Variants in OLFM2 observed in about 807,000 individuals in gnomAD.
The protein encoded by OLFM2 is olfactomedin 2.
Under a neutral mutation model 43.9 loss-of-function variants are expected in OLFM2, and 20 were observed. The observed-to-expected ratio is 0.46, with a 90% CI of 0.32 to 0.66. The LOEUF is 0.66. OLFM2 is among the 30% of genes least tolerant of loss of function. OLFM2 has a pLI of 0.04. For synonymous variants in OLFM2, 268 were observed against 278.6 expected, an observed-to-expected ratio of 0.96 and a Z score of 0.38; for missense variants, 416 against 643.6, an observed-to-expected ratio of 0.65 and a Z score of 3.83.
intron 1 of OLFM2, among the ~76,000 whole-genome samples, chr19:9,874,159 C>A (rs1419646449): frequency 6.6e-6 from 1 of 152,116 alleles, no homozygotes; most frequent in East Asian, 1.9e-4. Context: ...AGTTTTCCCA[C>A]TTGAGTGCTT....
At chr19:9,919,328 G>A (rs140652913) in intron 1 of OLFM2, among the ~76,000 whole-genome samples, 83 of 152,046 alleles carry the variant, frequency 5.5e-4, no homozygotes, top group African/African-American at 1.7e-3. Context: ...CACCACGCCC[G>A]GAGAATTTTT....
At chr19:9,878,231 G>C (rs1386639281) in intron 1 of OLFM2, among the ~76,000 whole-genome samples, 1 of 152,094 alleles carries the variant, frequency 6.6e-6, no homozygotes, top group African/African-American at 2.4e-5. Context: ...GATATTCAAG[G>C]GAGTGTGACA....
At chr19:9,893,797 G>C (rs191423658) in intron 1 of OLFM2, among the ~76,000 whole-genome samples, 4 of 152,104 alleles carry the variant, frequency 2.6e-5, no homozygotes, top group Non-Finnish European at 5.9e-5. Context: ...AGCAGAGTTC[G>C]CAGGTCTATT....
At chr19:9,911,096 T>C (rs1323451391) in intron 1 of OLFM2, among the ~76,000 whole-genome samples, 2 of 152,104 alleles carry the variant, frequency 1.3e-5, no homozygotes, top group Non-Finnish European at 2.9e-5. Context: ...GGATGGGAAT[T>C]TGAACAGCAG....
chr19:9,906,192 G>A (rs2046784664), intron 1 of OLFM2, among the ~76,000 whole-genome samples: 1 of 152,156 alleles, frequency 6.6e-6, no homozygotes, highest in Admixed American at 6.6e-5. Context: ...GGATTGATGG[G>A]GCGGCGGGGA....
chr19:9,877,637 T>C (rs937707934), intron 1 of OLFM2, among the ~76,000 whole-genome samples: 17 of 152,016 alleles, frequency 1.1e-4, no homozygotes, highest in African/African-American at 3.9e-4. Context: ...AAGATGAGGT[T>C]AGGTGAATTA....
intron 1 of OLFM2, among the ~76,000 whole-genome samples, chr19:9,915,237 CTCTT>C (rs1414178148): frequency 3.1e-4 from 37 of 118,874 alleles, no homozygotes; most frequent in Non-Finnish European, 2.4e-4. Context: ...TCTTTTCTCT[CTCTT>C]TTTTTTTTTT....
chr19:9,878,389 T>C (rs1238869306), intron 1 of OLFM2, among the ~76,000 whole-genome samples: 25 of 136,036 alleles, frequency 1.8e-4, no homozygotes, highest in Non-Finnish European at 3.4e-4. Context: ...CTCTTTTTTT[T>C]TTTTTTTTTT....
rs1469557788 is a variant in OLFM2, at chr19:9,856,506, G to A, written c.687+301C>T. On this transcript the variant is annotated intron_variant, in intron 5 of 5. Transcript: ENST00000264833. This position sits in a 1 kb window ranked among gnomAD's most constrained non-coding sequence, Gnocchi z 4.0. ...TTGGTGGAAGAGGTCTCTTGTCCTT[G>A]GGAGGGCATTGGTCATTGGGTAGTT... Among the ~76,000 whole-genome samples the A allele has an allele frequency of 2.0e-5, 3 of 152,200 alleles. No homozygotes were observed. The highest frequency in any genetic ancestry group is 6.5e-5 in the Admixed American group (1 of 15,280).
At chr19:9,906,291 C>A (rs745858471) in intron 1 of OLFM2, among the ~76,000 whole-genome samples, 21 of 151,172 alleles carry the variant, frequency 1.4e-4, no homozygotes, top group Middle Eastern at 3.2e-3. Context: ...CAGGAGGCTG[C>A]GGGCACACAG....
chr19:9,857,264 C>T lies in OLFM2; in HGVS notation c.579G>A (p.Leu193=), dbSNP rs766803810. ...TCAGGGTCAAGGGCCAAGGCATACCCAGCTTCTGGGCGCAGGCGTGGAGCC... is the reference window on the plus strand; with the variant it reads ...TCAGGGTCAAGGGCCAAGGCATACCTAGCTTCTGGGCGCAGGCGTGGAGCC... ...EARLHACAQK[L]GCGKLTGVSN... Residue 193 remains leucine, a splice_region_variant and synonymous_variant, in exon 4 of 6, where the codon CTG becomes CTA. Coordinates refer to ENST00000264833, the MANE Select transcript of OLFM2 (RefSeq NM_058164.4). The surrounding 1 kb of genome is among the most constrained non-coding windows in gnomAD (Gnocchi z 5.7). The T allele has an allele frequency of 5.6e-6, 9 of 1,613,578 alleles. No individual in the cohort carries two copies. The East Asian group carries it at 1.8e-4, about 32-fold the overall frequency.
chr19:9,929,869 GTC>G (rs1568389587), intron 1 of OLFM2, among the ~76,000 whole-genome samples: 1 of 151,830 alleles, frequency 6.6e-6, no homozygotes, highest in African/African-American at 2.4e-5. Flanking sequence ...GAGAACCCTC[GTC>G]TCTACTAAAA....
intron 1 of OLFM2, among the ~76,000 whole-genome samples, chr19:9,926,580 C>A (rs1948542394): frequency 6.9e-6 from 1 of 145,584 alleles, no homozygotes; most frequent in Admixed American, 6.6e-5. Flanking sequence ...AAATAAATGA[C>A]TAAAGTGATA....
At chr19:9,883,175 C>CTCCA (rs1295571799) in intron 1 of OLFM2, among the ~76,000 whole-genome samples, 1 of 149,702 alleles carries the variant, frequency 6.7e-6, no homozygotes, top group Non-Finnish European at 1.5e-5. Flanking sequence ...CACCACTGAA[C>CTCCA]TCCAGCCTGG....
In OLFM2 at chr19:9,934,759, G is replaced by A. The variant is rs139499035; in HGVS notation, c.63+1545C>T. 3.0e-4 allele frequency among the ~76,000 whole-genome samples: 46 copies of A among 152,276 alleles called. No individual in the cohort carries two copies. The East Asian group carries it at 8.7e-3, about 29-fold the overall frequency. On this transcript the variant is annotated intron_variant, in intron 1 of 5. Coordinates refer to ENST00000264833, the MANE Select transcript of OLFM2 (RefSeq NM_058164.4). ...CTATCCCACCCAGCGCGTGGGTGCTGAGATGCGTGGGGAAATGGAGGAGCG... is the reference window on the plus strand; with the variant it reads ...CTATCCCACCCAGCGCGTGGGTGCTAAGATGCGTGGGGAAATGGAGGAGCG...
chr19:9,917,464 G>A (rs570962286), intron 1 of OLFM2, among the ~76,000 whole-genome samples: 3 of 152,296 alleles, frequency 2.0e-5, no homozygotes, highest in Admixed American at 2.0e-4. Context: ...TATCCAATGG[G>A]AGCCACTGGA....
chr19:9,900,033 C>T lies in OLFM2; in HGVS notation c.63+36271G>A, dbSNP rs73500946. On this transcript the variant is annotated intron_variant, in intron 1 of 5. Transcript: ENST00000264833. ...AGGTGCATAATAAATATCTGTTGAC[C>T]GAATTGACAAATGAGCGAATCATGG... Among the ~76,000 whole-genome samples the T allele has an allele frequency of 9.0e-3, 1,369 of 152,150 alleles. 22 individuals carry two copies. Among genetic ancestry groups the T allele is most frequent in the African/African-American group, 0.032 (1,311 of 41,506 alleles).
Position 9,857,514 on chromosome 19 carries a change from T to C in OLFM2, c.361-32A>G, listed in dbSNP as rs758360301. On this transcript the variant is annotated intron_variant, in intron 3 of 5. Coordinates refer to ENST00000264833, the MANE Select transcript of OLFM2 (RefSeq NM_058164.4). The surrounding 1 kb of genome is among the most constrained non-coding windows in gnomAD (Gnocchi z 5.7). The stretch of plus-strand genomic sequence containing the variant: ...ATCAAGATGGAACCATGGCCAAGCC[T>C]GACCCCTGGCCTTTGACCCAGACAT... 9.3e-6 allele frequency: 15 copies of C among 1,608,442 alleles called. No homozygotes were observed. The highest frequency in any genetic ancestry group is 4.4e-5 in the South Asian group (4 of 90,726).
intron 1 of OLFM2, among the ~76,000 whole-genome samples, chr19:9,883,081 G>T (rs1599479185): frequency 6.6e-6 from 1 of 151,466 alleles, no homozygotes; most frequent in African/African-American, 2.4e-5. Flanking sequence ...GTGGTGACAA[G>T]TGCCTGTAGT....
Sources: allele counts gnomAD v4.1 joint callset (sites outside exome capture counted in the v4.1 genomes callset), GRCh38; gene constraint gnomAD v4.1.1; non-coding constraint Gnocchi (gnomAD v3.1); transcripts MANE v1.5; gene names NCBI Gene and HGNC (gene_info 2026-07-23, HGNC 2026-07-21).